PARP4: variants seen among roughly 807,000 people sequenced by gnomAD.
PARP4 encodes the protein poly(ADP-ribose) polymerase family member 4.
A neutral mutation model predicts 187.7 loss-of-function variants in PARP4; 120 were observed. That is an observed-to-expected ratio of 0.64 (90% CI 0.55 to 0.74). The LOEUF is 0.74. PARP4 is among the 30% of genes least tolerant of loss of function. The probability of loss-of-function intolerance (pLI) is 0.00; values close to 1 mark genes in which losing one functional copy is unlikely to be tolerated. For synonymous variants in PARP4, 654 were observed against 740.9 expected (o/e 0.88, Z 1.90); for missense variants, 1,836 against 2,070.5 (o/e 0.89, Z 2.20).
intron 33 of PARP4, among the ~76,000 whole-genome samples, chr13:24,422,091 G>T (rs367921745): frequency 6.6e-6 from 1 of 152,144 alleles, no homozygotes; most frequent in African/African-American, 2.4e-5. Flanking sequence ...TCAGTATAGC[G>T]TGGTGGTTAA....
intron 17 of PARP4, among the ~76,000 whole-genome samples, chr13:24,464,735 A>G (rs4770685): frequency 0.51 from 77,286 of 151,926 alleles, 19,986 homozygotes; most frequent in South Asian, 0.65. Context: ...ACATAGGCAC[A>G]GTCAAAGATT....
intron 14 of PARP4, among the ~76,000 whole-genome samples, chr13:24,476,005 T>C (rs577145070): frequency 9.2e-5 from 14 of 152,284 alleles, no homozygotes; most frequent in South Asian, 4.1e-4. Context: ...CAGGCTGGTC[T>C]TGAACTCCTG....
chr13:24,451,156 G>A (rs1487473699), intron 24 of PARP4, among the ~76,000 whole-genome samples: 1 of 152,198 alleles, frequency 6.6e-6, no homozygotes, highest in African/African-American at 2.4e-5. Context: ...GGCATGAATA[G>A]GTGCCAGTAC....
chr13:24,449,191 A>G (rs111291807), intron 25 of PARP4, among the ~76,000 whole-genome samples: 11,440 of 152,158 alleles, frequency 0.075, 824 homozygotes, highest in African/African-American at 0.19. Context: ...GATCAAGACC[A>G]TCCTGGCTAA....
intron 17 of PARP4, among the ~76,000 whole-genome samples, chr13:24,464,669 T>A (rs1391553180): frequency 1.3e-5 from 2 of 152,116 alleles, no homozygotes; most frequent in Non-Finnish European, 2.9e-5. Context: ...AAGACTTAAA[T>A]ATAAAACCAA....
intron 10 of PARP4, among the ~76,000 whole-genome samples, chr13:24,486,955 C>T (rs1593640132): frequency 6.6e-6 from 1 of 151,778 alleles, no homozygotes; most frequent in South Asian, 2.1e-4. Flanking sequence ...GAACGAGACT[C>T]TGTCTCAAAG....
intron 8 of PARP4, among the ~76,000 whole-genome samples, chr13:24,493,061 T>A (rs924669732): frequency 7.9e-5 from 12 of 152,364 alleles, no homozygotes; most frequent in African/African-American, 2.9e-4. Flanking sequence ...CAGAGGAAAA[T>A]TGACCATATT....
intron 14 of PARP4, among the ~76,000 whole-genome samples, chr13:24,476,674 T>C (rs548956842): frequency 1.6e-4 from 25 of 152,318 alleles, no homozygotes; most frequent in Middle Eastern, 3.4e-3. Flanking sequence ...TGAACACACA[T>C]GAACTCATGC....
intron 33 of PARP4, among the ~76,000 whole-genome samples, chr13:24,422,378 A>G (rs762496353): frequency 5.3e-5 from 8 of 152,214 alleles, no homozygotes; most frequent in South Asian, 2.1e-4. Flanking sequence ...TAAAAGACCA[A>G]TGTTTCCTAG....
chr13:24,502,720 A>G (rs537970403), intron 2 of PARP4, among the ~76,000 whole-genome samples: 11 of 152,374 alleles, frequency 7.2e-5, no homozygotes, highest in South Asian at 2.1e-4. Context: ...TTCACACAGA[A>G]GACAAACTGA....
At chr13:24,504,259 T>C (rs577501697) in intron 1 of PARP4, among the ~76,000 whole-genome samples, 1 of 151,180 alleles carries the variant, frequency 6.6e-6, no homozygotes, top group South Asian at 2.1e-4. Context: ...TATGTTTAAA[T>C]GGAATATGTA....
chr13:24,458,238 T>C (rs1323627488), intron 20 of PARP4, among the ~76,000 whole-genome samples: 1 of 151,654 alleles, frequency 6.6e-6, no homozygotes, highest in Non-Finnish European at 1.5e-5. Flanking sequence ...GCCTCCCGAG[T>C]AGCTGGGACC....
At chr13:24,432,292 C>T (rs971732412) in intron 31 of PARP4, among the ~76,000 whole-genome samples, 7 of 152,146 alleles carry the variant, frequency 4.6e-5, no homozygotes, top group Admixed American at 2.0e-4. Flanking sequence ...GGGTTGTCAA[C>T]TAGCAATGAG....
chr13:24,477,024 C>T (rs1490682412), intron 14 of PARP4, among the ~76,000 whole-genome samples: 4 of 152,234 alleles, frequency 2.6e-5, no homozygotes, highest in Non-Finnish European at 5.9e-5. Context: ...GCTCTGCTGT[C>T]TGCTCTCCCC....
chr13:24,474,949 G>A (rs1872909207), intron 15 of PARP4, among the ~76,000 whole-genome samples: 3 of 152,200 alleles, frequency 2.0e-5, no homozygotes, highest in Non-Finnish European at 2.9e-5. Context: ...TCCTTGGCGC[G>A]CCTGGGCCAG....
At chr13:24,499,437 T>A (rs1332489828) in intron 4 of PARP4, 61 bp from the exon 5 acceptor site, 3 of 1,389,856 alleles carry the variant, frequency 2.2e-6, no homozygotes, top group Non-Finnish European at 2.9e-6. Flanking sequence ...CTAAACAGAA[T>A]TTCATAAATT....
Position 24,501,796 on chromosome 13 carries a change from A to T in PARP4, c.171T>A (p.Ser57Arg), listed in dbSNP as rs1869304553. The T allele has an allele frequency of 6.2e-7, 1 of 1,612,754 alleles. No individual in the cohort carries two copies. The highest frequency in any genetic ancestry group is 1.1e-5 in the South Asian group (1 of 91,052). ...TTTGGATAGAATTCAGTTGGTACTG[A>T]CTCAGAACATCAGCATTATCTAAGA... Reference protein sequence around the residue: ...HIILDNADVLSQYQLNSIQKN... With the variant: ...HIILDNADVLRQYQLNSIQKN... Residue 57 changes from serine (S) to arginine (R), a missense_variant, in exon 3 of 34, where the codon AGT becomes AGA. Physicochemically the swap from Ser to Arg is moderately radical, Grantham distance 110. Transcript: ENST00000381989.
rs1257658172 is a variant in PARP4, at chr13:24,498,208, C to T, written c.499G>A (p.Glu167Lys). Residue 167 changes from glutamate (E) to lysine (K), a missense_variant, in exon 6 of 34, where the codon GAA becomes AAA. This residue lies in a region of PARP4 where 1,147 missense variants were observed against 1,214.2 expected (regional missense o/e 0.94). Coordinates refer to ENST00000381989, the MANE Select transcript of PARP4 (RefSeq NM_006437.4). ...CACTGAAGCTCCACCACCACAGCTT[C>T]CTGGCCTCCCTCCATTCCCACCTGG... ...LEKVGMEGGQ[E>K]AVVVELQCSR... 3 of 1,612,998 alleles carry T rather than the reference C, an allele frequency of 1.9e-6. No individual in the cohort carries two copies. Among genetic ancestry groups the T allele is most frequent in the Non-Finnish European group, 2.5e-6 (3 of 1,179,888 alleles).
At chr13:24,440,585 G>A (rs751872977) in intron 30 of PARP4, among the ~76,000 whole-genome samples, 3 of 152,086 alleles carry the variant, frequency 2.0e-5, no homozygotes, top group Non-Finnish European at 4.4e-5. Context: ...GTGTTGGAAT[G>A]GTCTTAGAAC....
Sources: gnomAD v4.1 joint callset for allele counts (sites outside exome capture counted in the v4.1 genomes callset) on GRCh38, gnomAD v4.1.1 for gene constraint, gnomAD v4.1.1 regional missense constraint, MANE v1.5 for transcripts, NCBI Gene and HGNC (gene_info 2026-07-23, HGNC 2026-07-21) for gene names.